The following SLIT2 variants were observed in gnomAD, a reference collection of about 807,000 sequenced individuals.
SLIT2 encodes slit homolog 2 protein.
A neutral mutation model predicts 185.7 loss-of-function variants in SLIT2; 41 were observed. The observed-to-expected ratio is 0.22, with a 90% CI of 0.17 to 0.29. The LOEUF is 0.29. Ranked by LOEUF, SLIT2 falls within the 10% of genes least tolerant of loss-of-function variation. The probability of loss-of-function intolerance (pLI) is 1.00; values close to 1 mark genes in which losing one functional copy is unlikely to be tolerated. For missense variants in SLIT2, 1,571 were observed against 1,909.0 expected, an observed-to-expected ratio of 0.82 and a Z score of 3.30; for synonymous variants, 693 against 680.2, an observed-to-expected ratio of 1.02 and a Z score of -0.29.
chr4:20,351,480 C>T lies in SLIT2; in HGVS notation c.395+82599C>T, dbSNP rs116624104. Among the ~76,000 whole-genome samples the T allele has an allele frequency of 3.6e-3, 548 of 152,320 alleles. 4 individuals are homozygous for T. The highest frequency in any genetic ancestry group is 6.3e-3 in the Admixed American group (97 of 15,300). Reference sequence around the variant, plus strand: ...TCCCTGTCTTCATAAATTGGCCTTTCTGGGCAGTGGGCAAGAAGAACCCAA... The same window carrying T: ...TCCCTGTCTTCATAAATTGGCCTTTTTGGGCAGTGGGCAAGAAGAACCCAA... On this transcript the variant is annotated intron_variant, in intron 4 of 36. Coordinates refer to ENST00000504154, the MANE Select transcript of SLIT2 (RefSeq NM_004787.4).
chr4:20,339,457 A>G (rs1720784146), intron 4 of SLIT2, among the ~76,000 whole-genome samples: 2 of 152,172 alleles, frequency 1.3e-5, no homozygotes, highest in Admixed American at 6.5e-5. Context: ...GCAAAAGGGT[A>G]TGGTACTAAT....
intron 35 of SLIT2, 94 bp downstream of exon 35, chr4:20,617,292 A>AGGGAG (rs1006731749): frequency 2.2e-5 from 10 of 460,924 alleles, no homozygotes; most frequent in East Asian, 1.1e-4. Context: ...GGGGACGGGA[A>AGGGAG]GGGAGGGGAG....
intron 4 of SLIT2, among the ~76,000 whole-genome samples, chr4:20,458,842 T>C (rs1039595324): frequency 6.6e-6 from 1 of 152,142 alleles, no homozygotes; most frequent in African/African-American, 2.4e-5. Flanking sequence ...GGAGAATACA[T>C]CCCGACTTGG....
At chr4:20,424,855 C>G (rs916526431) in intron 4 of SLIT2, among the ~76,000 whole-genome samples, 1 of 152,008 alleles carries the variant, frequency 6.6e-6, no homozygotes, top group African/African-American at 2.4e-5. Flanking sequence ...ACCTCAGTAC[C>G]GTGGTAACTC....
chr4:20,273,041 A>G (rs1028662144), intron 4 of SLIT2, among the ~76,000 whole-genome samples: 7 of 152,250 alleles, frequency 4.6e-5, no homozygotes, highest in Middle Eastern at 3.4e-3. Context: ...CAGATTCTCA[A>G]AATTGCTTTT....
chr4:20,260,764 T>C (rs1294676235), intron 3 of SLIT2, among the ~76,000 whole-genome samples: 1 of 151,888 alleles, frequency 6.6e-6, no homozygotes, highest in Non-Finnish European at 1.5e-5. Flanking sequence ...ATCAAAACAT[T>C]ATAGCTATAA....
chr4:20,444,649 G>A (rs1013216920), intron 4 of SLIT2, among the ~76,000 whole-genome samples: 2 of 152,144 alleles, frequency 1.3e-5, no homozygotes, highest in Non-Finnish European at 2.9e-5. Context: ...CAGTATCGGT[G>A]CAATAAATCC....
chr4:20,612,847 G>T (rs1729332365), intron 34 of SLIT2, among the ~76,000 whole-genome samples: 1 of 151,016 alleles, frequency 6.6e-6, no homozygotes, highest in African/African-American at 2.4e-5. Context: ...GAACCCAGTA[G>T]GTGGAGCTTG....
At chr4:20,587,644 G>A (rs933111657) in intron 29 of SLIT2, among the ~76,000 whole-genome samples, 1 of 152,040 alleles carries the variant, frequency 6.6e-6, no homozygotes. Context: ...TATTTTTTTA[G>A]AGATGAAATT....
At chr4:20,431,622 G>A (rs1479389160) in intron 4 of SLIT2, among the ~76,000 whole-genome samples, 1 of 152,144 alleles carries the variant, frequency 6.6e-6, no homozygotes, top group Non-Finnish European at 1.5e-5. Context: ...AGGAGGCAGT[G>A]GTCTTGGCAT....
chr4:20,367,682 G>A lies in SLIT2; in HGVS notation c.395+98801G>A, dbSNP rs116881742. 5.9e-5 allele frequency among the ~76,000 whole-genome samples: 9 copies of A among 152,226 alleles called. No homozygotes were observed. The East Asian group carries it at 1.7e-3, about 30-fold the overall frequency. On this transcript the variant is annotated intron_variant, in intron 4 of 36. Transcript: ENST00000504154. Reference sequence around the variant, plus strand: ...CTCCTGGCTTTCTTCCATCTGCCAGGAATAACTCAGTTCACTGAAGGCTTC... The same window carrying A: ...CTCCTGGCTTTCTTCCATCTGCCAGAAATAACTCAGTTCACTGAAGGCTTC...
At chr4:20,597,953 A>T (rs1728112048) in intron 32 of SLIT2, among the ~76,000 whole-genome samples, 1 of 152,352 alleles carries the variant, frequency 6.6e-6, no homozygotes, top group Admixed American at 6.5e-5. Flanking sequence ...AGATGCTATA[A>T]ATAAAGCTTA....
At position 20,553,937 on chromosome 4, in the gene SLIT2, C is replaced by T. The variant is rs201382472; in HGVS notation, c.2694C>T (p.Leu898=). 5.0e-6 allele frequency: 8 copies of T among 1,606,306 alleles called. No individual in the cohort carries two copies. The East Asian group carries it at 1.3e-4, about 27-fold the overall frequency. The change falls in exon 26 of 37, where the codon CTC becomes CTT. Residue 898 remains leucine, a synonymous_variant. Coordinates refer to ENST00000504154, the MANE Select transcript of SLIT2 (RefSeq NM_004787.4). ...GPGEMADKLL[L]TTPSKKFTCQ... ...GAGAAATGGCAGATAAACTTTTACT[C>T]ACAACTCCCTCCAAAAAATTTACCT... is the stretch of plus-strand genomic sequence containing the variant.
At chr4:20,304,335 A>ATTAT in intron 4 of SLIT2, among the ~76,000 whole-genome samples, 1 of 152,300 alleles carries the variant, frequency 6.6e-6, no homozygotes, top group East Asian at 1.9e-4. Flanking sequence ...TTGGACTATA[A>ATTAT]GGCAGTGGAA....
At position 20,371,245 on chromosome 4, in the gene SLIT2, TCACA is replaced by T. The variant is rs550616692; in HGVS notation, c.396-96504_396-96501del. ...CTCACAGTCACACATGCACATGTTC[TCACA>T]CAGTCACTCATACACTAACACACAC... On this transcript the variant is annotated intron_variant, in intron 4 of 36. Transcript: ENST00000504154. Among the ~76,000 whole-genome samples the T allele has an allele frequency of 5.3e-4, 80 of 152,026 alleles. No individual in the cohort carries two copies. In the South Asian group the frequency reaches 0.014, roughly 27 times the overall value.
intron 4 of SLIT2, among the ~76,000 whole-genome samples, chr4:20,461,431 A>G (rs917032182): frequency 6.6e-6 from 1 of 152,176 alleles, no homozygotes; most frequent in African/African-American, 2.4e-5. Flanking sequence ...TGTGCTGATC[A>G]GATTTTGGGG....
chr4:20,586,108 C>T (rs562365995), intron 29 of SLIT2, among the ~76,000 whole-genome samples: 1 of 152,142 alleles, frequency 6.6e-6, no homozygotes, highest in African/African-American at 2.4e-5. Flanking sequence ...ATATTGAGCT[C>T]CTGAATCTCG....
intron 4 of SLIT2, among the ~76,000 whole-genome samples, chr4:20,449,201 C>T (rs1362674513): frequency 1.3e-5 from 2 of 151,974 alleles, no homozygotes; most frequent in East Asian, 1.9e-4. Context: ...TGCTCAGGGA[C>T]TGGAAGAAAT....
In SLIT2 at chr4:20,528,993, G is replaced by T. The variant is rs763158714; in HGVS notation, c.1507G>T (p.Asp503Tyr). The change falls in exon 16 of 37, where the codon GAT becomes TAT. Residue 503 changes from aspartate (D) to tyrosine (Y), a missense_variant. This residue lies in a region of SLIT2 where 1,202 missense variants were observed against 1,416.4 expected (regional missense o/e 0.85). Transcript: ENST00000504154. The surrounding 1 kb of genome is among the most constrained non-coding windows in gnomAD (Gnocchi z 4.2). The stretch of plus-strand genomic sequence containing the variant: ...AAAATTAAGTGGAGACTGCTTTGCG[G>T]ATCTGGCTTGCCCTGAAAAGTGTCG... ...RSKLSGDCFA[D>Y]LACPEKCRCE... The T allele has an allele frequency of 5.6e-6, 9 of 1,613,870 alleles. No homozygotes were observed. The South Asian group carries it at 9.9e-5, about 18-fold the overall frequency.
Sources: gnomAD v4.1 joint callset for allele counts (sites outside exome capture counted in the v4.1 genomes callset) on GRCh38, gnomAD v4.1.1 for gene constraint, gnomAD v4.1.1 regional missense constraint, Gnocchi (gnomAD v3.1) non-coding constraint, MANE v1.5 for transcripts, NCBI Gene and HGNC (gene_info 2026-07-23, HGNC 2026-07-21) for gene names.